Variants in DCC observed in about 807,000 individuals in gnomAD.
The protein encoded by DCC is netrin receptor DCC.
A neutral mutation model predicts 172.5 loss-of-function variants in DCC; 58 were observed. The ratio of observed to expected loss-of-function variants is 0.34; its 90% CI spans 0.27 to 0.42. The LOEUF (loss-of-function observed/expected upper bound fraction) is 0.42, where lower values mean the gene tolerates loss of function less well. DCC is among the 10% of genes least tolerant of loss of function. The probability of loss-of-function intolerance (pLI) is 1.00; values close to 1 mark genes in which losing one functional copy is unlikely to be tolerated. For synonymous variants in DCC, 709 were observed against 644.5 expected, an observed-to-expected ratio of 1.10 and a Z score of -1.52; for missense variants, 1,740 against 1,791.0, an observed-to-expected ratio of 0.97 and a Z score of 0.51.
chr18:53,485,023 A>C (rs565777744), intron 25 of DCC, among the ~76,000 whole-genome samples: 90 of 152,166 alleles, frequency 5.9e-4, no homozygotes, highest in African/African-American at 2.0e-3. Context: ...TAGGCCAAAG[A>C]ATGCAAAATA....
chr18:52,637,441 T>G (rs1450960392), intron 1 of DCC, among the ~76,000 whole-genome samples: 1 of 151,976 alleles, frequency 6.6e-6, no homozygotes, highest in Non-Finnish European at 1.5e-5. Flanking sequence ...GGGAGAAATA[T>G]TCAAGGAAAT....
chr18:53,177,960 A>T (rs542489945), intron 8 of DCC, among the ~76,000 whole-genome samples: 1 of 152,332 alleles, frequency 6.6e-6, no homozygotes, highest in African/African-American at 2.4e-5. Flanking sequence ...AAGATATTTT[A>T]TTTTAAATAT....
chr18:52,699,436 A>T (rs1172133751), intron 1 of DCC, among the ~76,000 whole-genome samples: 1 of 152,242 alleles, frequency 6.6e-6, no homozygotes, highest in African/African-American at 2.4e-5. Flanking sequence ...CTGTGATGGC[A>T]GCAATAAAAG....
At chr18:53,157,246 C>T in intron 7 of DCC, 110 bp from the exon 8 acceptor site, 1 of 1,306,270 alleles carries the variant, frequency 7.7e-7, no homozygotes, top group South Asian at 1.2e-5. Flanking sequence ...GCTTTAGAAT[C>T]AAGGTGACTA....
intron 1 of DCC, among the ~76,000 whole-genome samples, chr18:52,453,279 C>A (rs536563109): frequency 6.6e-6 from 1 of 152,208 alleles, no homozygotes; most frequent in African/African-American, 2.4e-5. Context: ...AGAACACATT[C>A]TTTAAATGTT....
intron 15 of DCC, among the ~76,000 whole-genome samples, chr18:53,357,072 C>A (rs891599552): frequency 6.6e-6 from 1 of 152,120 alleles, no homozygotes; most frequent in East Asian, 1.9e-4. Context: ...TACATCCACT[C>A]CCTATTAATC....
At chr18:53,311,735 C>T (rs2057271392) in intron 13 of DCC, among the ~76,000 whole-genome samples, 1 of 152,250 alleles carries the variant, frequency 6.6e-6, no homozygotes, top group East Asian at 1.9e-4. Context: ...CCATTTTAAT[C>T]TTTATGACAG....
intron 7 of DCC, among the ~76,000 whole-genome samples, chr18:53,155,262 C>A (rs1212690970): frequency 6.6e-6 from 1 of 152,088 alleles, no homozygotes; most frequent in African/African-American, 2.4e-5. Flanking sequence ...TACCACTCAG[C>A]CAGTCGCTAT....
At chr18:53,018,682 A>C (rs2041840734) in intron 5 of DCC, among the ~76,000 whole-genome samples, 1 of 152,146 alleles carries the variant, frequency 6.6e-6, no homozygotes. Context: ...TTTCATGTTG[A>C]AAATTAAATG....
rs149709559 is a variant in DCC, at chr18:53,400,671, A to G, written c.2828-2115A>G. ...CATTTAGGTCATTAATTCCAATACC[A>G]AATTTTTATTCACCAATATTCACAT... On this transcript the variant is annotated intron_variant, in intron 18 of 28. Coordinates refer to ENST00000442544, the MANE Select transcript of DCC (RefSeq NM_005215.4). 3.3e-5 allele frequency among the ~76,000 whole-genome samples: 5 copies of G among 152,276 alleles called. No homozygotes were observed. The East Asian group carries it at 7.7e-4, about 24-fold the overall frequency.
intron 5 of DCC, among the ~76,000 whole-genome samples, chr18:53,051,126 A>G (rs991510879): frequency 6.6e-6 from 1 of 152,036 alleles, no homozygotes; most frequent in Non-Finnish European, 1.5e-5. Context: ...GCTACTCAGG[A>G]GAGTGACATG....
At chr18:53,050,904 T>C (rs1331458747) in intron 5 of DCC, among the ~76,000 whole-genome samples, 1 of 152,140 alleles carries the variant, frequency 6.6e-6, no homozygotes, top group East Asian at 1.9e-4. Flanking sequence ...CACCTTGGCA[T>C]GTTTACTTCC....
At chr18:52,661,177 T>C (rs1051981152) in intron 1 of DCC, among the ~76,000 whole-genome samples, 8 of 152,098 alleles carry the variant, frequency 5.3e-5, no homozygotes, top group African/African-American at 1.9e-4. Flanking sequence ...CAAGTAAGTG[T>C]GGGCTGTAGT....
intron 12 of DCC, among the ~76,000 whole-genome samples, chr18:53,292,352 A>G (rs2057015478): frequency 6.6e-6 from 1 of 152,158 alleles, no homozygotes; most frequent in South Asian, 2.1e-4. Context: ...TGATGTTTCT[A>G]TGGGTCATTC....
At chr18:52,943,097 G>T (rs2040489064) in intron 5 of DCC, among the ~76,000 whole-genome samples, 1 of 151,944 alleles carries the variant, frequency 6.6e-6, no homozygotes, top group Non-Finnish European at 1.5e-5. Context: ...ATGTTTGTTT[G>T]TATCTTTTAC....
At chr18:52,650,653 G>C (rs980923058) in intron 1 of DCC, among the ~76,000 whole-genome samples, 1 of 152,064 alleles carries the variant, frequency 6.6e-6, no homozygotes, top group Non-Finnish European at 1.5e-5. Context: ...CAGGTTGTCT[G>C]GTATATAGTT....
In DCC at chr18:53,284,580, G is replaced by T. The variant is rs1051216695; in HGVS notation, c.1912-20998G>T. Among the ~76,000 whole-genome samples the T allele has an allele frequency of 2.0e-5, 3 of 152,044 alleles. No homozygotes were observed. In the South Asian group the frequency reaches 6.2e-4, roughly 32 times the overall value. ...AATAAACCTCTTTCTTTTGTAAATT[G>T]CCCAGTCTCAAGTATGTCTTTATCA... On this transcript the variant is annotated intron_variant, in intron 12 of 28. Transcript: ENST00000442544.
At chr18:53,359,363 A>G (rs1447980305) in intron 15 of DCC, among the ~76,000 whole-genome samples, 2 of 152,134 alleles carry the variant, frequency 1.3e-5, no homozygotes, top group Non-Finnish European at 2.9e-5. Flanking sequence ...CTTACCTGTC[A>G]CCTACCCTTT....
At chr18:53,074,120 A>T (rs2042692023) in intron 7 of DCC, among the ~76,000 whole-genome samples, 1 of 152,150 alleles carries the variant, frequency 6.6e-6, no homozygotes, top group Non-Finnish European at 1.5e-5. Context: ...TTTGATATTA[A>T]CTACTGGTGG....
Sources: allele counts gnomAD v4.1 joint callset (sites outside exome capture counted in the v4.1 genomes callset), GRCh38; gene constraint gnomAD v4.1.1; transcripts MANE v1.5; gene names NCBI Gene and HGNC (gene_info 2026-07-23, HGNC 2026-07-21).